The following FAM169A variants were observed in gnomAD, a reference collection of about 807,000 sequenced individuals.
FAM169A encodes soluble lamin-associated protein of 75 kDa.
A neutral mutation model predicts 75.7 loss-of-function variants in FAM169A; 24 were observed. That is an observed-to-expected ratio of 0.32 (90% confidence interval 0.23 to 0.45). The LOEUF is 0.45. Among genes scored for constraint, FAM169A ranks in the 20% least tolerant of loss-of-function variants. FAM169A has a pLI of 1.00. For missense variants in FAM169A, 673 were observed against 784.0 expected, an observed-to-expected ratio of 0.86 and a Z score of 1.69; for synonymous variants, 271 against 271.0, an observed-to-expected ratio of 1.00 and a Z score of 0.00.
intron 5 of FAM169A, 99 bp downstream of exon 5, chr5:74,834,327 C>T: frequency 3.2e-6 from 2 of 619,344 alleles, no homozygotes; most frequent in Non-Finnish European, 2.4e-6. Context: ...CCTCAATTTG[C>T]ATGCTAGAGA....
In FAM169A at chr5:74,796,189, A is replaced by G. The variant is rs1746265541; in HGVS notation, c.1104-3T>C. 1 of 1,595,572 alleles carries G rather than the reference A, an allele frequency of 6.3e-7. No homozygotes were observed. The highest frequency in any genetic ancestry group is 8.5e-7 in the Non-Finnish European group (1 of 1,174,802). On this transcript the variant is annotated splice_polypyrimidine_tract_variant and splice_region_variant and intron_variant, in intron 10 of 12. Coordinates refer to ENST00000687041, the MANE Select transcript of FAM169A (RefSeq NM_001376049.1). ...ATGGGCGTGCAGTAGACTCCAATCT[A>G]AAAAACAAAAGAAAACCATTCTGAC...
intron 5 of FAM169A, among the ~76,000 whole-genome samples, chr5:74,829,975 CA>C (rs201093378): frequency 1.3e-5 from 2 of 149,394 alleles, no homozygotes; most frequent in Non-Finnish European, 3.0e-5. Context: ...GACTCCATCT[CA>C]AAAAAAAAGA....
intron 1 of FAM169A, among the ~76,000 whole-genome samples, chr5:74,856,296 A>AT (rs201057246): frequency 7.9e-5 from 12 of 151,100 alleles, no homozygotes; most frequent in South Asian, 2.1e-4. Flanking sequence ...ACATTTTAGG[A>AT]TTTTTTTTTC....
intron 11 of FAM169A, among the ~76,000 whole-genome samples, chr5:74,787,949 C>T (rs1262827791): frequency 6.6e-6 from 1 of 152,128 alleles, no homozygotes; most frequent in Non-Finnish European, 1.5e-5. Context: ...CCCAGAACAC[C>T]TTGAATGAAG....
intron 5 of FAM169A, among the ~76,000 whole-genome samples, chr5:74,818,804 T>TCTAC (rs1747619969): frequency 2.1e-5 from 2 of 93,824 alleles, no homozygotes; most frequent in South Asian, 6.2e-4. Flanking sequence ...TCTCTCTCTC[T>TCTAC]ATATATATAT....
chr5:74,800,971 T>A lies in FAM169A; in HGVS notation c.1012A>T (p.Ile338Phe). Residue 338 changes from isoleucine (I) to phenylalanine (F), a missense_variant, in exon 10 of 13, where the codon ATT (isoleucine) becomes TTT (phenylalanine). Ile to Phe is a conservative substitution (Grantham distance 21, BLOSUM62 0). This residue lies in a region of FAM169A where 510 missense variants were observed against 550.9 expected (regional missense o/e 0.93). Coordinates refer to ENST00000687041, the MANE Select transcript of FAM169A (RefSeq NM_001376049.1). ...TRSGNLKRPK[I>F]GKRFQDSEFS... ...TCAGAATCCTGAAACCGCTTTCCAA[T>A]CTTTGGCCGCTTTAGATTACCACTT... The A allele has an allele frequency of 6.4e-7, 1 of 1,562,958 alleles. No homozygotes were observed. The highest frequency in any genetic ancestry group is 8.7e-7 in the Non-Finnish European group (1 of 1,154,004).
rs762989528 is a variant in FAM169A at position 74,840,150 on chromosome 5, T to C, written c.156A>G (p.Val52=). 4 of 1,588,300 alleles carry C rather than the reference T, an allele frequency of 2.5e-6. No homozygotes were observed. The highest frequency in any genetic ancestry group is 1.7e-5 in the Admixed American group (1 of 57,834). ...NITIPISLSN[V]GFVPLYGGDQ... ...CTCCACCATAAAGAGGTACAAAGCCTACATTTGACAGGCTAATAGGAATCT... is the reference window on the plus strand; with the variant it reads ...CTCCACCATAAAGAGGTACAAAGCCCACATTTGACAGGCTAATAGGAATCT... Residue 52 remains valine (V), a synonymous_variant, in exon 3 of 13, where the codon GTA becomes GTG. Coordinates refer to ENST00000687041, the MANE Select transcript of FAM169A (RefSeq NM_001376049.1).
At chr5:74,844,944 A>G (rs1259977920) in intron 1 of FAM169A, among the ~76,000 whole-genome samples, 2 of 152,242 alleles carry the variant, frequency 1.3e-5, no homozygotes, top group East Asian at 3.8e-4. Context: ...TTTACCCAAT[A>G]ACCTCTTCAA....
intron 1 of FAM169A, among the ~76,000 whole-genome samples, chr5:74,858,985 A>G (rs1167067745): frequency 1.3e-5 from 2 of 152,082 alleles, no homozygotes; most frequent in African/African-American, 2.4e-5. Flanking sequence ...AGGCCAAGGC[A>G]TGTGGATCAC....
intron 4 of FAM169A, among the ~76,000 whole-genome samples, chr5:74,834,913 C>A (rs1014652271): frequency 6.6e-6 from 1 of 151,618 alleles, no homozygotes; most frequent in African/African-American, 2.4e-5. Flanking sequence ...TTTCTGCTTC[C>A]AGCTGCCCAG....
Position 74,789,782 on chromosome 5 carries a change from TGGCA to T in FAM169A, c.1260+6244_1260+6247del, listed in dbSNP as rs200281157. ...AGAGACAAGTGCTGTTTGGAGCCTT[TGGCA>T]GGCTCCCATAGGTGAATCGCAGTGG... On this transcript the variant is annotated intron_variant, in intron 11 of 12. Transcript: ENST00000687041. 4.4e-3 allele frequency among the ~76,000 whole-genome samples: 664 copies of T among 152,328 alleles called. 5 individuals are homozygous for T. The highest frequency in any genetic ancestry group is 0.015 in the African/African-American group (621 of 41,572).
chr5:74,804,734 G>GA, intron 7 of FAM169A, 129 bp from the exon 8 acceptor site: 1 of 541,904 alleles, frequency 1.8e-6, no homozygotes, highest in Non-Finnish European at 3.3e-6. Context: ...CTAGGTGTGA[G>GA]ATGTTCTCTT....
At chr5:74,804,218 G>A (rs1049420344) in intron 8 of FAM169A, among the ~76,000 whole-genome samples, 1 of 151,944 alleles carries the variant, frequency 6.6e-6, no homozygotes, top group Non-Finnish European at 1.5e-5. Context: ...TGAATAGTGG[G>A]ATTATAGATT....
chr5:74,827,755 C>T (rs191108277), intron 5 of FAM169A, among the ~76,000 whole-genome samples: 426 of 151,604 alleles, frequency 2.8e-3, no homozygotes, highest in Non-Finnish European at 5.4e-3. Flanking sequence ...CTCCACCTCC[C>T]GGGTTAAAGC....
At chr5:74,864,740 T>C (rs1028841504) in intron 1 of FAM169A, among the ~76,000 whole-genome samples, 5 of 152,210 alleles carry the variant, frequency 3.3e-5, no homozygotes, top group African/African-American at 9.6e-5. Context: ...AAAAGTCCAC[T>C]ATAATAGCTA....
chr5:74,778,996 T>A lies in FAM169A; in HGVS notation c.*2464A>T, dbSNP rs1216709847. 2.0e-5 allele frequency: 3 copies of A among 152,136 alleles called. No individual in the cohort carries two copies. The highest frequency in any genetic ancestry group is 7.2e-5 in the African/African-American group (3 of 41,452). 9.4% of individuals were successfully genotyped at this position (152,136 alleles called of 1,614,324 possible). On this transcript the variant is annotated 3_prime_UTR_variant, in exon 13 of 13. Transcript: ENST00000687041. ...AATTCTATACTCAAGTTACTGAACA[T>A]GAGAGTTAGGTTTTTCCAAGTGATC... is the stretch of plus-strand genomic sequence containing the variant.
intron 5 of FAM169A, among the ~76,000 whole-genome samples, chr5:74,815,350 T>A (rs1256232527): frequency 6.6e-6 from 1 of 151,802 alleles, no homozygotes; most frequent in Non-Finnish European, 1.5e-5. Context: ...CCACCACACC[T>A]GGCTAATTTT....
At chr5:74,803,539 G>A (rs555534271) in intron 8 of FAM169A, among the ~76,000 whole-genome samples, 34 of 152,110 alleles carry the variant, frequency 2.2e-4, no homozygotes, top group Admixed American at 8.5e-4. Flanking sequence ...AGATACACAC[G>A]TACAACATAT....
chr5:74,809,465 A>G (rs570198000), intron 6 of FAM169A, among the ~76,000 whole-genome samples: 2 of 152,168 alleles, frequency 1.3e-5, no homozygotes, highest in South Asian at 2.1e-4. Flanking sequence ...GTGTGGTGGC[A>G]GGCGCCTGTA....
Sources: gnomAD v4.1 joint callset for allele counts (sites outside exome capture counted in the v4.1 genomes callset) on GRCh38, gnomAD v4.1.1 for gene constraint, gnomAD v4.1.1 regional missense constraint, MANE v1.5 for transcripts, NCBI Gene and HGNC (gene_info 2026-07-23, HGNC 2026-07-21) for gene names.